MYRIP: variants seen among roughly 807,000 people sequenced by gnomAD.
MYRIP encodes the protein myosin VIIA and Rab interacting protein, also known as rab effector MyRIP.
A neutral mutation model predicts 98.0 loss-of-function variants in MYRIP; 49 were observed. The ratio of observed to expected loss-of-function variants is 0.50; its 90% CI spans 0.40 to 0.63. MYRIP has a LOEUF of 0.63. Among genes scored for constraint, MYRIP ranks in the 30% least tolerant of loss-of-function variants. MYRIP has a pLI of 0.00. For synonymous variants in MYRIP, 404 were observed against 409.5 expected, an observed-to-expected ratio of 0.99 and a Z score of 0.16; for missense variants, 1,004 against 1,058.2, an observed-to-expected ratio of 0.95 and a Z score of 0.71.
At chr3:40,232,285 G>A (rs1444351723) in intron 11 of MYRIP, among the ~76,000 whole-genome samples, 2 of 152,228 alleles carry the variant, frequency 1.3e-5, no homozygotes, top group East Asian at 3.8e-4. Context: ...ACCCCAGAAC[G>A]GCTTGACAGG....
At chr3:39,860,280 AC>A (rs1338114052) in intron 1 of MYRIP, among the ~76,000 whole-genome samples, 1 of 151,966 alleles carries the variant, frequency 6.6e-6, no homozygotes, top group Non-Finnish European at 1.5e-5. Context: ...AGACCCCAAA[AC>A]CCCCATGAAC....
intron 10 of MYRIP, among the ~76,000 whole-genome samples, chr3:40,201,237 A>G (rs1410513464): frequency 6.6e-6 from 1 of 152,210 alleles, no homozygotes; most frequent in East Asian, 1.9e-4. Flanking sequence ...GATATTCTAT[A>G]TGGAATTGCC....
At chr3:40,235,577 T>C (rs896150543) in intron 12 of MYRIP, among the ~76,000 whole-genome samples, 1 of 152,180 alleles carries the variant, frequency 6.6e-6, no homozygotes, top group South Asian at 2.1e-4. Context: ...ATAAAACAAG[T>C]CCTATTGGTG....
At chr3:40,243,872 T>C (rs141738489) in intron 12 of MYRIP, among the ~76,000 whole-genome samples, 1 of 152,354 alleles carries the variant, frequency 6.6e-6, no homozygotes, top group East Asian at 1.9e-4. Context: ...AATAGATACA[T>C]GCTTCTCTTA....
At chr3:40,151,238 G>A (rs1950112670) in intron 4 of MYRIP, 54 bp downstream of exon 4, 5 of 1,534,104 alleles carry the variant, frequency 3.3e-6, no homozygotes, top group South Asian at 1.3e-5. Context: ...TGGGTAGAAG[G>A]CCTGGCTCAG....
intron 2 of MYRIP, among the ~76,000 whole-genome samples, chr3:39,951,482 C>G (rs556132283): frequency 6.6e-6 from 1 of 152,108 alleles, no homozygotes; most frequent in Admixed American, 6.5e-5. Flanking sequence ...TAGTAAATAC[C>G]ATAGACATTG....
intron 3 of MYRIP, among the ~76,000 whole-genome samples, chr3:40,096,879 C>T (rs1575534877): frequency 6.6e-6 from 1 of 152,230 alleles, no homozygotes; most frequent in Non-Finnish European, 1.5e-5. Context: ...CTTGGCAAAG[C>T]TTGTGCTGCT....
chr3:40,160,566 G>C (rs1344672347), intron 4 of MYRIP, among the ~76,000 whole-genome samples: 1 of 152,184 alleles, frequency 6.6e-6, no homozygotes, highest in African/African-American at 2.4e-5. Flanking sequence ...AGTAAGCCTG[G>C]GCAATGGCGG....
intron 7 of MYRIP, among the ~76,000 whole-genome samples, chr3:40,168,744 T>C (rs1950549974): frequency 6.6e-6 from 1 of 152,206 alleles, no homozygotes; most frequent in African/African-American, 2.4e-5. Flanking sequence ...AGGCCAAGGC[T>C]TAGCTCTAGC....
At chr3:39,974,636 T>C (rs1020685622) in intron 2 of MYRIP, among the ~76,000 whole-genome samples, 3 of 152,166 alleles carry the variant, frequency 2.0e-5, no homozygotes, top group East Asian at 1.9e-4. Context: ...TGAACATCGA[T>C]GCTAAAATCC....
At chr3:39,847,278 A>T (rs1339271157) in intron 1 of MYRIP, among the ~76,000 whole-genome samples, 1 of 152,202 alleles carries the variant, frequency 6.6e-6, no homozygotes, top group African/African-American at 2.4e-5. Context: ...GTCTTGGATG[A>T]TGTTCACTCT....
rs544490529 is a variant in MYRIP, at chr3:39,935,888, T to A, written c.110+34962T>A. Among the ~76,000 whole-genome samples, 8 of 152,310 alleles carry A rather than the reference T, an allele frequency of 5.3e-5. No individual in the cohort carries two copies. In the East Asian group the frequency reaches 1.5e-3, roughly 29 times the overall value. On this transcript the variant is annotated intron_variant, in intron 2 of 16. Coordinates refer to ENST00000302541, the MANE Select transcript of MYRIP (RefSeq NM_015460.4). Reference sequence around the variant, plus strand: ...CTCCTTTGCTGCTAACATGAGTCATTTGTGCAAAAATCTACAAATATAGGC... The same window carrying A: ...CTCCTTTGCTGCTAACATGAGTCATATGTGCAAAAATCTACAAATATAGGC...
At chr3:40,125,795 T>G (rs1170340968) in intron 3 of MYRIP, among the ~76,000 whole-genome samples, 3 of 152,126 alleles carry the variant, frequency 2.0e-5, no homozygotes, top group African/African-American at 7.2e-5. Flanking sequence ...TTCTCGCTAT[T>G]TGTCAGCTCC....
At chr3:40,011,685 T>A (rs143075421) in intron 2 of MYRIP, among the ~76,000 whole-genome samples, 182 of 152,292 alleles carry the variant, frequency 1.2e-3, no homozygotes, top group Non-Finnish European at 1.6e-3. Flanking sequence ...TTTTTTTGGT[T>A]TAATGAACCA....
At chr3:39,930,505 T>A (rs1046105601) in intron 2 of MYRIP, among the ~76,000 whole-genome samples, 2 of 152,096 alleles carry the variant, frequency 1.3e-5, no homozygotes, top group African/African-American at 4.8e-5. Flanking sequence ...GTGTTTTTAC[T>A]TTATTAATAA....
At chr3:40,082,977 A>G (rs1400244412) in intron 3 of MYRIP, among the ~76,000 whole-genome samples, 1 of 152,244 alleles carries the variant, frequency 6.6e-6, no homozygotes, top group African/African-American at 2.4e-5. Context: ...CCAAATTTAA[A>G]GAAGCTGAGC....
At chr3:39,832,588 A>G (rs1941483681) in intron 1 of MYRIP, among the ~76,000 whole-genome samples, 1 of 152,218 alleles carries the variant, frequency 6.6e-6, no homozygotes, top group Admixed American at 6.5e-5. Context: ...TTAAGTAGGA[A>G]AAAATGAAAA....
In MYRIP at chr3:39,963,095, C is replaced by T. The variant is rs190763510; in HGVS notation, c.110+62169C>T. 3.3e-5 allele frequency among the ~76,000 whole-genome samples: 5 copies of T among 152,188 alleles called. No individual in the cohort carries two copies. The East Asian group carries it at 9.7e-4, about 29-fold the overall frequency. On this transcript the variant is annotated intron_variant, in intron 2 of 16. Transcript: ENST00000302541. ...GAAACGTAAACAGAAAAGGCACATA[C>T]TTTGGATTACAAAGGGTCTGGATTT...
At chr3:40,053,062 AT>A (rs35436552) in intron 3 of MYRIP, among the ~76,000 whole-genome samples, 1 of 152,130 alleles carries the variant, frequency 6.6e-6, no homozygotes, top group African/African-American at 2.4e-5. Flanking sequence ...AGTTTTCCAC[AT>A]TTTGCATGCA....
Sources: allele counts gnomAD v4.1 joint callset (sites outside exome capture counted in the v4.1 genomes callset), GRCh38; gene constraint gnomAD v4.1.1; transcripts MANE v1.5; gene names NCBI Gene and HGNC (gene_info 2026-07-23, HGNC 2026-07-21).